Variants in CTNNA3 observed in about 807,000 individuals in gnomAD.
CTNNA3 encodes catenin alpha-3.
Under a neutral mutation model 95.7 loss-of-function variants are expected in CTNNA3, and 76 were observed. The ratio of observed to expected loss-of-function variants is 0.79; its 90% CI spans 0.66 to 0.96. The LOEUF (loss-of-function observed/expected upper bound fraction) is 0.96. Among genes scored for constraint, CTNNA3 ranks in the 40% least tolerant of loss-of-function variants. The pLI, the probability that CTNNA3 is intolerant of heterozygous loss-of-function variation, is 0.00. For missense variants in CTNNA3, 1,191 were observed against 1,089.8 expected (o/e 1.09, Z -1.31); for synonymous variants, 431 against 374.4 (o/e 1.15, Z -1.74).
At chr10:66,940,839 A>C (rs1170976570) in intron 7 of CTNNA3, among the ~76,000 whole-genome samples, 1 of 152,206 alleles carries the variant, frequency 6.6e-6, no homozygotes, top group African/African-American at 2.4e-5. Flanking sequence ...ACCCAAGTGC[A>C]GATGCCATCT....
intron 3 of CTNNA3, among the ~76,000 whole-genome samples, chr10:67,585,862 C>T (rs1353325350): frequency 1.3e-5 from 2 of 151,672 alleles, no homozygotes; most frequent in East Asian, 3.9e-4. Flanking sequence ...TTTTTTCCTG[C>T]TAATTTGGGG....
chr10:67,511,755 G>T (rs1207433783), intron 5 of CTNNA3, among the ~76,000 whole-genome samples: 1 of 152,154 alleles, frequency 6.6e-6, no homozygotes, highest in African/African-American at 2.4e-5. Flanking sequence ...GATTGGAATA[G>T]TTTCAGAAGG....
At chr10:66,773,053 T>C (rs907406595) in intron 8 of CTNNA3, among the ~76,000 whole-genome samples, 1 of 152,192 alleles carries the variant, frequency 6.6e-6, no homozygotes, top group African/African-American at 2.4e-5. Flanking sequence ...AGATAACTTA[T>C]ATTGCTGTTT....
chr10:66,440,686 C>A (rs889473417), intron 11 of CTNNA3, among the ~76,000 whole-genome samples: 1 of 152,104 alleles, frequency 6.6e-6, no homozygotes, highest in African/African-American at 2.4e-5. Context: ...AGCATCAAAT[C>A]TGGAGCCAGA....
At chr10:66,240,187 C>T (rs1335457462) in intron 13 of CTNNA3, among the ~76,000 whole-genome samples, 1 of 151,828 alleles carries the variant, frequency 6.6e-6, no homozygotes, top group African/African-American at 2.4e-5. Context: ...CACTTTCTAC[C>T]TTTCTATTTT....
At chr10:66,765,974 C>G (rs1193176296) in intron 9 of CTNNA3, among the ~76,000 whole-genome samples, 1 of 152,132 alleles carries the variant, frequency 6.6e-6, no homozygotes, top group Admixed American at 6.6e-5. Context: ...GTATTTGATA[C>G]TTTTAAGTCA....
intron 11 of CTNNA3, among the ~76,000 whole-genome samples, chr10:66,464,744 C>T (rs982778039): frequency 6.7e-6 from 1 of 149,994 alleles, no homozygotes; most frequent in African/African-American, 2.5e-5. Context: ...GCCTGTGTGA[C>T]GGAGTGAGAC....
intron 11 of CTNNA3, among the ~76,000 whole-genome samples, chr10:66,446,928 A>G (rs2093426591): frequency 6.6e-6 from 1 of 151,738 alleles, no homozygotes; most frequent in Admixed American, 6.6e-5. Context: ...AGAAAACCCC[A>G]TCGTCTCAGC....
chr10:65,964,389 G>C (rs537767770), intron 17 of CTNNA3, among the ~76,000 whole-genome samples: 1 of 152,204 alleles, frequency 6.6e-6, no homozygotes, highest in South Asian at 2.1e-4. Context: ...GATAGTTTTG[G>C]ATTTGCAATG....
chr10:66,462,167 C>G (rs2093534269), intron 11 of CTNNA3, among the ~76,000 whole-genome samples: 1 of 151,976 alleles, frequency 6.6e-6, no homozygotes, highest in Non-Finnish European at 1.5e-5. Context: ...TATAAATTCC[C>G]TCCATATAGA....
In CTNNA3 at chr10:66,618,830, C is replaced by A. The variant is rs1205721155; in HGVS notation, c.1374+2862G>T. Among the ~76,000 whole-genome samples, 4 of 152,038 alleles carry A rather than the reference C, an allele frequency of 2.6e-5. No individual in the cohort carries two copies. In the South Asian group the frequency reaches 6.2e-4, roughly 24 times the overall value. ...TACTCATCTGACAAAGGGCTAATATCCAGAATCTACAATGAACTCAAACAC... is the reference window on the plus strand; with the variant it reads ...TACTCATCTGACAAAGGGCTAATATACAGAATCTACAATGAACTCAAACAC... On this transcript the variant is annotated intron_variant, in intron 10 of 17. Coordinates refer to ENST00000433211, the MANE Select transcript of CTNNA3 (RefSeq NM_013266.4).
intron 1 of CTNNA3, among the ~76,000 whole-genome samples, chr10:67,668,861 C>T (rs1176952725): frequency 8.5e-5 from 9 of 105,958 alleles, no homozygotes; most frequent in African/African-American, 3.4e-4. Context: ...TTTTTTGAGA[C>T]GGAGTCTCAC....
At chr10:67,250,271 A>T (rs1335867547) in intron 5 of CTNNA3, among the ~76,000 whole-genome samples, 1 of 151,146 alleles carries the variant, frequency 6.6e-6, no homozygotes, top group African/African-American at 2.4e-5. Context: ...GCTGGAGGGC[A>T]GTGGCACGGT....
At chr10:66,507,705 G>A (rs1840499577) in intron 11 of CTNNA3, among the ~76,000 whole-genome samples, 1 of 147,648 alleles carries the variant, frequency 6.8e-6, no homozygotes, top group South Asian at 2.1e-4. Context: ...ACAATATTCT[G>A]TTGTGTATAT....
chr10:66,110,703 A>G (rs2082090604), intron 13 of CTNNA3, among the ~76,000 whole-genome samples: 1 of 152,208 alleles, frequency 6.6e-6, no homozygotes, highest in African/African-American at 2.4e-5. Context: ...TTGATTATAT[A>G]ATCAACTCAA....
chr10:67,038,216 T>C (rs1854184244), intron 7 of CTNNA3, among the ~76,000 whole-genome samples: 1 of 152,146 alleles, frequency 6.6e-6, no homozygotes, highest in Non-Finnish European at 1.5e-5. Context: ...TATTGTATTA[T>C]TTTATTGTTG....
chr10:66,658,787 G>A (rs1009948411), intron 9 of CTNNA3, among the ~76,000 whole-genome samples: 17 of 152,124 alleles, frequency 1.1e-4, no homozygotes, highest in African/African-American at 1.7e-4. Context: ...TGTGCCTCAC[G>A]GGTTCAAGCG....
intron 6 of CTNNA3, among the ~76,000 whole-genome samples, chr10:67,198,548 A>G (rs184731212): frequency 1.4e-4 from 21 of 152,342 alleles, no homozygotes; most frequent in Admixed American, 1.3e-3. Context: ...AATTCTGAGA[A>G]GGAAAATGGA....
At chr10:66,495,375 T>C (rs897774718) in intron 11 of CTNNA3, among the ~76,000 whole-genome samples, 1 of 152,100 alleles carries the variant, frequency 6.6e-6, no homozygotes, top group Non-Finnish European at 1.5e-5. Context: ...AGATCACATA[T>C]AGCCATAACG....
Sources: gnomAD v4.1 joint callset for allele counts (sites outside exome capture counted in the v4.1 genomes callset) on GRCh38, gnomAD v4.1.1 for gene constraint, MANE v1.5 for transcripts, NCBI Gene and HGNC (gene_info 2026-07-23, HGNC 2026-07-21) for gene names.